Variants in NIPA2 observed in about 807,000 individuals in gnomAD.
NIPA2 encodes NIPA magnesium transporter 2.
NIPA2 carries 11 observed loss-of-function variants against 29.7 expected under a neutral mutation model. The observed-to-expected ratio is 0.37, with a 90% CI of 0.23 to 0.61. The LOEUF (loss-of-function observed/expected upper bound fraction) is 0.61. NIPA2 is among the 20% of genes least tolerant of loss of function. The pLI, the probability that NIPA2 is intolerant of heterozygous loss-of-function variation, is 0.66. For missense variants in NIPA2, 426 were observed against 437.9 expected, an observed-to-expected ratio of 0.97 and a Z score of 0.24; for synonymous variants, 183 against 161.9, an observed-to-expected ratio of 1.13 and a Z score of -0.99.
At chr15:22,840,030 C>T (rs566229220) in intron 2 of NIPA2, among the ~76,000 whole-genome samples, 1 of 152,160 alleles carries the variant, frequency 6.6e-6, no homozygotes, top group African/African-American at 2.4e-5. Flanking sequence ...AAGTGCTCCT[C>T]CCACCTCAGC....
At chr15:22,848,428 A>G (rs1259704291) in intron 3 of NIPA2, among the ~76,000 whole-genome samples, 1 of 151,854 alleles carries the variant, frequency 6.6e-6, no homozygotes. Flanking sequence ...AGGCATAACT[A>G]TGTTGCCCAG....
rs1194705216 is a variant in NIPA2 at position 22,868,035 on chromosome 15, C to T, written c.*1188C>T. The T allele has an allele frequency of 6.6e-6, 1 of 152,254 alleles. No individual in the cohort carries two copies. The highest frequency in any genetic ancestry group is 2.4e-5 in the African/African-American group (1 of 41,458). 9.4% of individuals were successfully genotyped at this position (152,254 alleles called of 1,614,324 possible). A position where few individuals can be genotyped will look rare whatever the true frequency, so the allele number is the denominator to read the frequency against. ...ATGGGAAGAAAGTGTTCGCCTGTTC[C>T]AGCCTGTGGCTCCTGCCTGGAGGTT... On this transcript the variant is annotated 3_prime_UTR_variant, in exon 8 of 8. Coordinates refer to ENST00000337451, the MANE Select transcript of NIPA2 (RefSeq NM_030922.7).
intron 7 of NIPA2, among the ~76,000 whole-genome samples, chr15:22,862,898 CTTT>C (rs59317671): frequency 9.1e-6 from 1 of 110,274 alleles, no homozygotes. Flanking sequence ...TGCCTTTATT[CTTT>C]TTTTTTTTTT....
intron 7 of NIPA2, among the ~76,000 whole-genome samples, chr15:22,864,254 A>C (rs2058817884): frequency 6.6e-6 from 1 of 151,908 alleles, no homozygotes; most frequent in Admixed American, 6.6e-5. Flanking sequence ...TCCCGGGTTC[A>C]CGCCATTCTC....
intron 5 of NIPA2, among the ~76,000 whole-genome samples, chr15:22,854,532 G>T (rs1163571614): frequency 6.7e-6 from 1 of 150,078 alleles, no homozygotes; most frequent in East Asian, 2.1e-4. Flanking sequence ...ATCACTTGAG[G>T]TCAAGAGTTC....
At chr15:22,857,507 T>G (rs190248518) in intron 5 of NIPA2, among the ~76,000 whole-genome samples, 5 of 151,566 alleles carry the variant, frequency 3.3e-5, no homozygotes, top group Admixed American at 3.3e-4. Flanking sequence ...ATCCTGATTC[T>G]AGAACAGGAC....
At chr15:22,858,373 G>A (rs751922567) in intron 5 of NIPA2, among the ~76,000 whole-genome samples, 167 bp from the exon 6 acceptor site, 7 of 152,162 alleles carry the variant, frequency 4.6e-5, no homozygotes, top group Non-Finnish European at 8.8e-5. Flanking sequence ...CAGCCTGGGC[G>A]ACAGAGTGAG....
chr15:22,865,184 G>C (rs1033918872), intron 7 of NIPA2, among the ~76,000 whole-genome samples: 7 of 149,094 alleles, frequency 4.7e-5, no homozygotes, highest in African/African-American at 1.2e-4. Flanking sequence ...TTGTGTATTT[G>C]TGTCTTTAAT....
intron 7 of NIPA2, among the ~76,000 whole-genome samples, chr15:22,865,755 G>A (rs935552883): frequency 2.6e-5 from 4 of 151,942 alleles, no homozygotes; most frequent in African/African-American, 4.8e-5. Flanking sequence ...TGACTTGCTC[G>A]TTACTCCAGC....
At chr15:22,844,546 T>A (rs565887189) in intron 2 of NIPA2, among the ~76,000 whole-genome samples, 1 of 132,324 alleles carries the variant, frequency 7.6e-6, no homozygotes, top group Non-Finnish European at 1.5e-5. Context: ...AGTGCAAGAC[T>A]GTGACTCAAA....
intron 4 of NIPA2, 111 bp downstream of exon 4, chr15:22,851,981 A>ACT: frequency 1.1e-6 from 1 of 916,670 alleles, no homozygotes; most frequent in Non-Finnish European, 1.7e-6. Flanking sequence ...GAAACTTTGA[A>ACT]TTGTTCAAGA....
In NIPA2 at chr15:22,867,247, A is replaced by AGAG. The variant is rs548133791; in HGVS notation, c.*401_*403dup. 2.5e-6 allele frequency: 1 copy of AGAG among 404,318 alleles called. No homozygotes were observed. The highest frequency in any genetic ancestry group is 4.4e-6 in the Non-Finnish European group (1 of 229,814). 25.0% of individuals were successfully genotyped at this position (404,318 alleles called of 1,614,324 possible). A position where few individuals can be genotyped will look rare whatever the true frequency, so the allele number is the denominator to read the frequency against. On this transcript the variant is annotated 3_prime_UTR_variant, in exon 8 of 8. Transcript: ENST00000337451. ...TAAGGCTTTTTTATTTTAAAAAAACAGAGTTATCCCAATACATTATCCTGT... is the reference window on the plus strand; with the variant it reads ...TAAGGCTTTTTTATTTTAAAAAAACAGAGGAGTTATCCCAATACATTATCCTGT...
chr15:22,861,901 ATTTTTT>A (rs1233597987), intron 7 of NIPA2, among the ~76,000 whole-genome samples: 1 of 151,494 alleles, frequency 6.6e-6, no homozygotes, highest in Non-Finnish European at 1.5e-5. Context: ...TGCCTGGCTA[ATTTTTT>A]TTGTTTGTTT....
intron 7 of NIPA2, among the ~76,000 whole-genome samples, chr15:22,863,147 C>T (rs571046031): frequency 1.3e-4 from 20 of 151,382 alleles, no homozygotes; most frequent in Non-Finnish European, 1.3e-4. Flanking sequence ...GGTGCAGTCT[C>T]GGCTCATTGC....
chr15:22,843,146 A>G (rs1261325479), intron 2 of NIPA2, among the ~76,000 whole-genome samples: 1 of 152,122 alleles, frequency 6.6e-6, no homozygotes, highest in Admixed American at 6.5e-5. Context: ...AGATTGGCAG[A>G]GATGAGGAGG....
Position 22,858,647 on chromosome 15 carries a change from C to T in NIPA2, c.287+17C>T, listed in dbSNP as rs1320187021. The T allele has an allele frequency of 6.9e-7, 1 of 1,455,154 alleles. No individual in the cohort carries two copies. Among genetic ancestry groups the T allele is most frequent in the Non-Finnish European group, 9.4e-7 (1 of 1,061,252 alleles). 90.1% of individuals were successfully genotyped at this position (1,455,154 alleles called of 1,614,324 possible). On this transcript the variant is annotated intron_variant, in intron 6 of 7. Transcript: ENST00000337451. ...GCTAGTAAGGTAAGGACACGTTTTT[C>T]ATGTAGAAACAGTAGTCGGTATCTT...
Position 22,867,326 on chromosome 15 carries a change from A to C in NIPA2, c.*479A>C. 2.5e-6 allele frequency: 1 copy of C among 397,346 alleles called. No homozygotes were observed. 24.6% of individuals were successfully genotyped at this position (397,346 alleles called of 1,614,324 possible). On this transcript the variant is annotated 3_prime_UTR_variant, in exon 8 of 8. Coordinates refer to ENST00000337451, the MANE Select transcript of NIPA2 (RefSeq NM_030922.7). ...TGTTTGTTTGATGATGATTGGTTTTATTTTTGAAATATTTATTAAGGGAAA... is the reference window on the plus strand; with the variant it reads ...TGTTTGTTTGATGATGATTGGTTTTCTTTTTGAAATATTTATTAAGGGAAA...
chr15:22,860,683 T>C lies in NIPA2; in HGVS notation c.342T>C (p.Ile114=), dbSNP rs2058556434. 10 of 1,599,534 alleles carry C rather than the reference T, an allele frequency of 6.3e-6. No homozygotes were observed. The highest frequency in any genetic ancestry group is 1.1e-5 in the South Asian group (1 of 87,434). ...LNERLNLHGK[I]GCLLSILGST... is the part of the protein sequence containing the mutation. ...AAAGACTTAATCTTCATGGGAAAAT[T>C]GGGTGTTTGCTAAGTATTCTAGGAT... is the stretch of plus-strand genomic sequence containing the variant. The change falls in exon 7 of 8, where the codon ATT becomes ATC. Residue 114 remains isoleucine (I), a synonymous_variant. Coordinates refer to ENST00000337451, the MANE Select transcript of NIPA2 (RefSeq NM_030922.7).
chr15:22,843,250 AT>A (rs1372716507), intron 2 of NIPA2, among the ~76,000 whole-genome samples: 1 of 152,076 alleles, frequency 6.6e-6, no homozygotes, highest in African/African-American at 2.4e-5. Context: ...CACGCCTGTA[AT>A]CCCAGCACTT....
Sources: gnomAD v4.1 joint callset for allele counts (sites outside exome capture counted in the v4.1 genomes callset) on GRCh38, gnomAD v4.1.1 for gene constraint, MANE v1.5 for transcripts, NCBI Gene and HGNC (gene_info 2026-07-23, HGNC 2026-07-21) for gene names.